Variants in ELMO1 observed in about 807,000 individuals in gnomAD.
The protein encoded by ELMO1 is engulfment and cell motility 1, also known as engulfment and cell motility protein 1.
In ELMO1, 26 loss-of-function variants were observed where a neutral mutation model predicts 98.9. The ratio of observed to expected loss-of-function variants is 0.26; its 90% CI spans 0.19 to 0.36. ELMO1 has a LOEUF of 0.36. Among genes scored for constraint, ELMO1 ranks in the 10% least tolerant of loss-of-function variants. ELMO1 has a pLI of 1.00. For synonymous variants in ELMO1, 346 were observed against 346.0 expected (o/e 1.00, Z 0.00); for missense variants, 627 against 935.2 (o/e 0.67, Z 4.30).
chr7:37,263,903 T>C (rs867572981), intron 5 of ELMO1, among the ~76,000 whole-genome samples: 1 of 152,154 alleles, frequency 6.6e-6, no homozygotes, highest in Admixed American at 6.5e-5. Flanking sequence ...AATGGATGCA[T>C]GTAAATATCG....
chr7:37,197,393 C>G (rs1218082965), intron 13 of ELMO1, among the ~76,000 whole-genome samples: 1 of 152,164 alleles, frequency 6.6e-6, no homozygotes, highest in Non-Finnish European at 1.5e-5. Flanking sequence ...AAGCCAGCTC[C>G]CAGCATAAAA....
intron 14 of ELMO1, among the ~76,000 whole-genome samples, chr7:37,098,761 C>T (rs923073813): frequency 6.6e-6 from 1 of 152,158 alleles, no homozygotes; most frequent in Non-Finnish European, 1.5e-5. Context: ...AATTTTATCT[C>T]CCCTCTAAAT....
At chr7:37,180,079 C>A (rs753122241) in intron 13 of ELMO1, among the ~76,000 whole-genome samples, 19 of 152,132 alleles carry the variant, frequency 1.2e-4, no homozygotes, top group Non-Finnish European at 2.8e-4. Context: ...ACCCAAAGGG[C>A]TGCACAATGT....
intron 1 of ELMO1, among the ~76,000 whole-genome samples, chr7:37,371,746 T>G (rs187924913): frequency 6.6e-6 from 1 of 152,208 alleles, no homozygotes; most frequent in Non-Finnish European, 1.5e-5. Flanking sequence ...CAGACTCTCC[T>G]GGTTCTCCTA....
chr7:37,030,896 T>A (rs757110131), intron 15 of ELMO1, among the ~76,000 whole-genome samples: 1 of 152,164 alleles, frequency 6.6e-6, no homozygotes, highest in Admixed American at 6.5e-5. Context: ...AGACAACTCC[T>A]TATTGGACAC....
chr7:37,166,318 T>C (rs1302944968), intron 13 of ELMO1, among the ~76,000 whole-genome samples: 2 of 152,234 alleles, frequency 1.3e-5, no homozygotes, highest in Admixed American at 6.5e-5. Context: ...TTTGAAGCGT[T>C]TTTTGTGTCT....
At chr7:37,091,152 G>C (rs1014205255) in intron 15 of ELMO1, among the ~76,000 whole-genome samples, 1 of 152,136 alleles carries the variant, frequency 6.6e-6, no homozygotes, top group Admixed American at 6.5e-5. Context: ...TTGTCACCCA[G>C]GCTGGAGTAC....
At chr7:37,012,849 C>T (rs1026588889) in intron 16 of ELMO1, among the ~76,000 whole-genome samples, 1 of 152,156 alleles carries the variant, frequency 6.6e-6, no homozygotes, top group Admixed American at 6.5e-5. Context: ...ATGATCACAA[C>T]ACATCCATAA....
At chr7:37,189,721 G>T (rs906074018) in intron 13 of ELMO1, among the ~76,000 whole-genome samples, 1 of 152,094 alleles carries the variant, frequency 6.6e-6, no homozygotes, top group African/African-American at 2.4e-5. Context: ...ATAATAAGTT[G>T]TTGCCAAAAC....
At chr7:37,081,609 A>G (rs893773149) in intron 15 of ELMO1, among the ~76,000 whole-genome samples, 7 of 152,212 alleles carry the variant, frequency 4.6e-5, no homozygotes, top group African/African-American at 7.2e-5. Flanking sequence ...AGACAAGGGG[A>G]AACCCCTTTC....
chr7:37,327,555 A>C (rs1180312150), intron 2 of ELMO1, among the ~76,000 whole-genome samples: 1 of 152,284 alleles, frequency 6.6e-6, no homozygotes, highest in Non-Finnish European at 1.5e-5. Context: ...GAACACTGAA[A>C]GGAACAAGTG....
At chr7:37,043,853 T>C (rs1196642925) in intron 15 of ELMO1, among the ~76,000 whole-genome samples, 3 of 151,936 alleles carry the variant, frequency 2.0e-5, no homozygotes, top group East Asian at 1.9e-4. Flanking sequence ...GATCAAGAAC[T>C]CAGGCGTCCT....
At chr7:37,410,239 C>A (rs1287158352) in intron 1 of ELMO1, among the ~76,000 whole-genome samples, 2 of 152,230 alleles carry the variant, frequency 1.3e-5, no homozygotes, top group African/African-American at 2.4e-5. Flanking sequence ...AGTTTGGTGA[C>A]TGACACATAG....
intron 15 of ELMO1, among the ~76,000 whole-genome samples, chr7:37,094,179 G>C (rs1251348994): frequency 1.3e-5 from 2 of 152,186 alleles, no homozygotes; most frequent in African/African-American, 4.8e-5. Context: ...AGACTGCTTT[G>C]ACAATGCCAG....
At chr7:37,319,615 C>T (rs1439420858) in intron 2 of ELMO1, among the ~76,000 whole-genome samples, 1 of 152,200 alleles carries the variant, frequency 6.6e-6, no homozygotes, top group Non-Finnish European at 1.5e-5. Context: ...AACCCAAAAT[C>T]GTACCTTCCA....
intron 10 of ELMO1, 79 bp downstream of exon 10, chr7:37,222,536 G>C (rs1165383532): frequency 7.2e-7 from 1 of 1,394,904 alleles, no homozygotes; most frequent in Non-Finnish European, 1.0e-6. Context: ...ATGAGTCCCC[G>C]AATAGAAGGA....
chr7:37,428,562 G>C (rs1417342129), intron 1 of ELMO1, among the ~76,000 whole-genome samples: 1 of 152,154 alleles, frequency 6.6e-6, no homozygotes, highest in South Asian at 2.1e-4. Flanking sequence ...TCCTTTTTAA[G>C]TCAACATGTA....
chr7:37,448,277 C>G (rs1805734817), intron 1 of ELMO1, among the ~76,000 whole-genome samples: 1 of 151,972 alleles, frequency 6.6e-6, no homozygotes, highest in Admixed American at 6.5e-5. Flanking sequence ...CCCAGTAACC[C>G]CGCGCCAGCG....
At chr7:37,157,236 T>C (rs1438634888) in intron 13 of ELMO1, among the ~76,000 whole-genome samples, 1 of 152,188 alleles carries the variant, frequency 6.6e-6, no homozygotes, top group Non-Finnish European at 1.5e-5. Flanking sequence ...ACTGGAAGCA[T>C]TCCCTTTGAA....
Sources: allele counts gnomAD v4.1 joint callset (sites outside exome capture counted in the v4.1 genomes callset), GRCh38; gene constraint gnomAD v4.1.1; transcripts MANE v1.5; gene names NCBI Gene and HGNC (gene_info 2026-07-23, HGNC 2026-07-21).